The following BRCA2 variants were observed in gnomAD, a reference collection of about 807,000 sequenced individuals.
The protein encoded by BRCA2 is BRCA2 DNA repair associated.
A neutral mutation model predicts 276.7 loss-of-function variants in BRCA2; 203 were observed. The ratio of observed to expected loss-of-function variants is 0.73; its 90% CI spans 0.65 to 0.82. The LOEUF is 0.82. Among genes scored for constraint, BRCA2 ranks in the 40% least tolerant of loss-of-function variants. BRCA2 has a pLI of 0.00. For synonymous variants in BRCA2, 1,289 were observed against 1,338.4 expected, an observed-to-expected ratio of 0.96 and a Z score of 0.81; for missense variants, 3,920 against 3,915.0, an observed-to-expected ratio of 1.00 and a Z score of -0.03.
intron 16 of BRCA2, among the ~76,000 whole-genome samples, chr13:32,362,007 T>C (rs2072740312): frequency 6.6e-6 from 1 of 152,152 alleles, no homozygotes. Context: ...TTCTGTTGAC[T>C]GTTAAGTGGA....
rs1253935190 is a variant in BRCA2, at chr13:32,399,007, A to C, written c.*237A>C. ...AAATGTAATTTATTAACTAATCAAG[A>C]AAAACATCTTTGGCTGAGCTCGGTG... On this transcript the variant is annotated 3_prime_UTR_variant, in exon 27 of 27. Transcript: ENST00000380152. The C allele has an allele frequency of 2.1e-6, 1 of 485,140 alleles. No homozygotes were observed. The highest frequency in any genetic ancestry group is 2.0e-5 in the African/African-American group (1 of 50,586). The allele number at this position is 485,140 out of a possible 1,614,324, so 30.1% of individuals were successfully genotyped here.
Position 32,360,294 on chromosome 13 carries a change from G to A in BRCA2, c.7806-2229G>A, listed in dbSNP as rs74047013. Among the ~76,000 whole-genome samples, 1,876 of 152,232 alleles carry A rather than the reference G, an allele frequency of 0.012. 39 individuals carry two copies. The highest frequency in any genetic ancestry group is 0.043 in the African/African-American group (1,783 of 41,524). On this transcript the variant is annotated intron_variant, in intron 16 of 26. Transcript: ENST00000380152. ...CAAAAGGAAGACCTCATAGACCTTC[G>A]TAAGACCCTTACCTTTTACTCTGCA...
intron 13 of BRCA2, among the ~76,000 whole-genome samples, chr13:32,348,680 A>G (rs2072627409): frequency 6.6e-6 from 1 of 152,142 alleles, no homozygotes; most frequent in Non-Finnish European, 1.5e-5. Context: ...AACCAAAACA[A>G]ATGCATACAC....
intron 14 of BRCA2, among the ~76,000 whole-genome samples, chr13:32,356,054 T>A (rs900944894): frequency 5.3e-5 from 8 of 151,248 alleles, no homozygotes; most frequent in African/African-American, 1.7e-4. Context: ...GCGCTTTTTT[T>A]TTTTTGAGAC....
At chr13:32,394,448 A>G (rs11571816) in intron 24 of BRCA2, among the ~76,000 whole-genome samples, 1 of 152,232 alleles carries the variant, frequency 6.6e-6, no homozygotes, top group South Asian at 2.1e-4. Flanking sequence ...ATGTGTGCGT[A>G]TACCTGCTTC....
rs876661266 is a variant in BRCA2 at position 32,380,057 on chromosome 13, C to T, written c.9168C>T (p.His3056=). The change falls in exon 24 of 27, where the codon CAC becomes CAT. Residue 3056 remains histidine, a synonymous_variant. Coordinates refer to ENST00000380152, the MANE Select transcript of BRCA2 (RefSeq NM_000059.4). ...FQIYQPREPL[H]FSKFLDPDFQ... is the part of the protein sequence containing the mutation. ...TTTACCAGCCACGGGAGCCCCTTCACTTCAGCAAATTTTTAGATCCAGACT... is the reference window on the plus strand; with the variant it reads ...TTTACCAGCCACGGGAGCCCCTTCATTTCAGCAAATTTTTAGATCCAGACT... The T allele has an allele frequency of 1.9e-6, 3 of 1,614,098 alleles. No individual in the cohort carries two copies. Among genetic ancestry groups the T allele is most frequent in the Non-Finnish European group, 2.5e-6 (3 of 1,180,004 alleles).
At chr13:32,341,220 G>C (rs759080886) in intron 11 of BRCA2, 24 bp downstream of exon 11, 1 of 1,613,538 alleles carries the variant, frequency 6.2e-7, no homozygotes, top group Non-Finnish European at 8.5e-7. Context: ...TTTACCTTTC[G>C]TGTTGCCAAT....
intron 16 of BRCA2, 123 bp from the exon 17 acceptor site, chr13:32,362,400 T>G: frequency 1.1e-6 from 1 of 908,800 alleles, no homozygotes; most frequent in Non-Finnish European, 1.7e-6. Flanking sequence ...GTAGATCATA[T>G]GAACTCATAA....
At position 32,337,273 on chromosome 13, in the gene BRCA2, C is replaced by T. The variant is rs397507296; in HGVS notation, c.2918C>T (p.Ser973Leu). Residue 973 changes from serine (S) to leucine (L), a missense_variant, in exon 11 of 27, where the codon TCG (serine) becomes TTG (leucine). By Grantham distance (145) the Ser-to-Leu change is moderately radical (BLOSUM62 -2). Transcript: ENST00000380152. ...IKMTLGQDLK[S>L]DISLNIDKIP... ...ATGACTCTAGGTCAAGATTTAAAAT[C>T]GGACATCTCCTTGAATATAGATAAA... 12 of 1,611,378 alleles carry T rather than the reference C, an allele frequency of 7.4e-6. No homozygotes were observed. Among genetic ancestry groups the T allele is most frequent in the Middle Eastern group, 1.6e-4 (1 of 6,062 alleles).
chr13:32,372,606 C>A (rs2072842092), intron 20 of BRCA2, among the ~76,000 whole-genome samples: 1 of 152,130 alleles, frequency 6.6e-6, no homozygotes, highest in Non-Finnish European at 1.5e-5. Context: ...CACCTCCCAC[C>A]AGGTCTCTCC....
chr13:32,365,031 G>A (rs370166682), intron 18 of BRCA2, among the ~76,000 whole-genome samples: 63 of 150,232 alleles, frequency 4.2e-4, no homozygotes, highest in African/African-American at 1.4e-3. Context: ...AGAATTCTAG[G>A]TTGAAATAAT....
intron 24 of BRCA2, among the ~76,000 whole-genome samples, chr13:32,390,439 T>A (rs904965749): frequency 3.7e-4 from 55 of 149,310 alleles, no homozygotes; most frequent in Non-Finnish European, 5.7e-4. Context: ...AAACTAAATT[T>A]AAAAAAAAAA....
At position 32,399,107 on chromosome 13, in the gene BRCA2, C is replaced by G; in HGVS notation, c.*337C>G. ...CTTGAGGCCAGGAGTTCAAGACCAG[C>G]CTGGGCAACATAGGGAGACCCCCAT... On this transcript the variant is annotated 3_prime_UTR_variant, in exon 27 of 27. Transcript: ENST00000380152. 3.6e-6 allele frequency: 1 copy of G among 278,084 alleles called. No individual in the cohort carries two copies. Among genetic ancestry groups the G allele is most frequent in the Non-Finnish European group, 6.8e-6 (1 of 148,110 alleles). 17.2% of individuals were successfully genotyped at this position (278,084 alleles called of 1,614,324 possible).
rs80359212 is a variant in BRCA2, at chr13:32,394,814, C to T, written c.9382C>T (p.Arg3128Ter). The change falls in exon 25 of 27, where the codon CGA (arginine) becomes TGA (stop). Residue 3128 changes from arginine to a stop codon, truncating the protein, a stop_gained. Coordinates refer to ENST00000380152, the MANE Select transcript of BRCA2 (RefSeq NM_000059.4). LOFTEE classifies it high-confidence loss of function. ...MLIAASNLQW[R>*]PESKSGLLTL... is the part of the protein sequence containing the mutation. ...AATTGCTGCAAGCAACCTCCAGTGG[C>T]GACCAGAATCCAAATCAGGCCTTCT... 18 of 1,613,968 alleles carry T rather than the reference C, an allele frequency of 1.1e-5. No individual in the cohort carries two copies. Among genetic ancestry groups the T allele is most frequent in the African/African-American group, 8.0e-5 (6 of 74,916 alleles).
intron 24 of BRCA2, 21 bp downstream of exon 24, chr13:32,380,166 T>C: frequency 6.3e-7 from 1 of 1,583,468 alleles, no homozygotes; most frequent in East Asian, 2.2e-5. Context: ...ATATAGTTAA[T>C]TTTTTTTATT....
In BRCA2 at chr13:32,336,641, T is replaced by C. The variant is rs786202227; in HGVS notation, c.2286T>C (p.Asp762=). 1.2e-6 allele frequency: 2 copies of C among 1,614,054 alleles called. No homozygotes were observed. The highest frequency in any genetic ancestry group is 1.7e-4 in the Middle Eastern group (1 of 6,060). ...DFQSQKSLLY[D]HENASTLILT... Reference sequence around the variant, plus strand: ...AATCCCAGAAAAGTCTTTTATATGATCATGAAAATGCCAGCACTCTTATTT... The same window carrying C: ...AATCCCAGAAAAGTCTTTTATATGACCATGAAAATGCCAGCACTCTTATTT... Residue 762 remains aspartate, a synonymous_variant, in exon 11 of 27, where the codon GAT becomes GAC. Coordinates refer to ENST00000380152, the MANE Select transcript of BRCA2 (RefSeq NM_000059.4).
rs2137600557 is a variant in BRCA2, at chr13:32,371,039, C to T, written c.8571C>T (p.Ala2857=). The stretch of plus-strand genomic sequence containing the variant: ...AGGAAGCAGCAAAATATGTGGAGGC[C>T]CAACAAAAGAGACTAGAAGCCTTAT... The part of the protein sequence containing the change: ...EEKEAAKYVE[A]QQKRLEALFT... Residue 2857 remains alanine, a synonymous_variant, in exon 20 of 27, where the codon GCC becomes GCT. Coordinates refer to ENST00000380152, the MANE Select transcript of BRCA2 (RefSeq NM_000059.4). 6.2e-7 allele frequency: 1 copy of T among 1,613,826 alleles called. No homozygotes were observed. The highest frequency in any genetic ancestry group is 2.2e-5 in the East Asian group (1 of 44,860).
At position 32,338,658 on chromosome 13, in the gene BRCA2, AAT is replaced by A. The variant is rs886040522; in HGVS notation, c.4306_4307del (p.Ile1436Ter). 6.3e-7 allele frequency: 1 copy of A among 1,596,864 alleles called. No individual in the cohort carries two copies. Among genetic ancestry groups the A allele is most frequent in the Non-Finnish European group, 8.6e-7 (1 of 1,169,340 alleles). On this transcript the variant is annotated frameshift_variant, in exon 11 of 27. Coordinates refer to ENST00000380152, the MANE Select transcript of BRCA2 (RefSeq NM_000059.4). LOFTEE classifies it high-confidence loss of function. ...DTFFQTASGK[N>X]ISVAKESFNK... ...ATTTTTTCAGACTGCAAGTGGGAAA[AAT>A]ATTAGTGTCGCCAAAGAGTCATTTA...
At position 32,333,520 on chromosome 13, in the gene BRCA2, G is replaced by T. The variant is rs2072426855; in HGVS notation, c.1909+133G>T. 3.0e-6 allele frequency: 3 copies of T among 1,015,552 alleles called. No homozygotes were observed. In the South Asian group the frequency reaches 4.9e-5, roughly 17 times the overall value. 62.9% of individuals were successfully genotyped at this position (1,015,552 alleles called of 1,614,324 possible). A position where few individuals can be genotyped will look rare whatever the true frequency, so the allele number is the denominator to read the frequency against. ...TTAGGCATCATCTGTATACATGATT[G>T]TTTAGGTCTTTAATTACCAGTGTTT... On this transcript the variant is annotated intron_variant, in intron 10 of 26. Transcript: ENST00000380152.
Sources: allele counts gnomAD v4.1 joint callset (sites outside exome capture counted in the v4.1 genomes callset), GRCh38; gene constraint gnomAD v4.1.1; transcripts MANE v1.5; gene names NCBI Gene and HGNC (gene_info 2026-07-23, HGNC 2026-07-21).